The following ZNF334 variants were observed in gnomAD, a reference collection of about 807,000 sequenced individuals.
ZNF334 encodes the protein zinc finger protein 334.
Under a neutral mutation model 12.4 loss-of-function variants are expected in ZNF334, and 14 were observed. That is an observed-to-expected ratio of 1.13 (90% CI 0.74 to 1.76). ZNF334 has a LOEUF of 1.76. Among genes scored for constraint, ZNF334 ranks in the 40% most tolerant of loss-of-function variants. The pLI is 0.00. For missense variants in ZNF334, 797 were observed against 804.5 expected (o/e 0.99, Z 0.11); for synonymous variants, 273 against 269.6 (o/e 1.01, Z -0.12).
chr20:46,493,070 A>G, the ZNF334 span, among the ~76,000 whole-genome samples: 2 of 148,368 alleles, frequency 1.3e-5, no homozygotes, highest in African/African-American at 5.0e-5. Context: ...CCTGGGTGAC[A>G]GGGTGAGACT....
the ZNF334 span, among the ~76,000 whole-genome samples, chr20:46,467,360 A>G: frequency 6.6e-6 from 1 of 152,204 alleles, no homozygotes; most frequent in African/African-American, 2.4e-5. Flanking sequence ...AGGGAAAAAA[A>G]TTGAACCAAA....
At chr20:46,510,453 C>G (rs1480920746) in intron 2 of ZNF334, among the ~76,000 whole-genome samples, 1 of 152,126 alleles carries the variant, frequency 6.6e-6, no homozygotes, top group South Asian at 2.1e-4. Context: ...AGGCCGGGCG[C>G]GATGGCTCAC....
At chr20:46,474,248 C>T in the ZNF334 span, among the ~76,000 whole-genome samples, 1 of 152,086 alleles carries the variant, frequency 6.6e-6, no homozygotes, top group African/African-American at 2.4e-5. Context: ...TGGCATGTGC[C>T]TGTAATCCCA....
At position 46,501,533 on chromosome 20, in the gene ZNF334, AC is replaced by A. The variant is rs747799731; in HGVS notation, c.1805del (p.Cys602LeufsTer102). On this transcript the variant is annotated frameshift_variant, in exon 5 of 5. Coordinates refer to ENST00000692313, the MANE Select transcript of ZNF334 (RefSeq NM_001353824.2). LOFTEE classifies it low-confidence loss of function (END_TRUNC). ...RTHTGEKPYE[C>X]NECGKSFCHK... ...GGCAGAAGGATTTCCCACATTCATTACATTCATATGGTTTCTCCCCAGTGTG... is the reference window on the plus strand; with the variant it reads ...GGCAGAAGGATTTCCCACATTCATTAATTCATATGGTTTCTCCCCAGTGTG... 6.2e-7 allele frequency: 1 copy of A among 1,613,996 alleles called. No individual in the cohort carries two copies. Among genetic ancestry groups the A allele is most frequent in the African/African-American group, 1.3e-5 (1 of 74,922 alleles).
the ZNF334 span, among the ~76,000 whole-genome samples, chr20:46,479,186 G>C: frequency 6.6e-6 from 1 of 152,144 alleles, no homozygotes; most frequent in African/African-American, 2.4e-5. Flanking sequence ...GGGGGAACCT[G>C]TCTCCTTGCC....
At chr20:46,473,003 A>C in the ZNF334 span, among the ~76,000 whole-genome samples, 1 of 152,230 alleles carries the variant, frequency 6.6e-6, no homozygotes, top group African/African-American at 2.4e-5. Flanking sequence ...CAACTGATTT[A>C]ATTCTTTTGG....
chr20:46,492,188 C>T, the ZNF334 span: 1 of 152,586 alleles, frequency 6.6e-6, no homozygotes, highest in Non-Finnish European at 1.5e-5. Context: ...TCTTGCTCGC[C>T]ACCAACAAAT....
rs2061380801 is a variant in ZNF334 at position 46,504,997 on chromosome 20, T to C, written c.22-257A>G. ...ATCACATAAAATACTAATCTTACTCTTTAGGAGCATACATTCTGACAGGGT... is the reference window on the plus strand; with the variant it reads ...ATCACATAAAATACTAATCTTACTCCTTAGGAGCATACATTCTGACAGGGT... On this transcript the variant is annotated intron_variant, in intron 2 of 4. Coordinates refer to ENST00000692313, the MANE Select transcript of ZNF334 (RefSeq NM_001353824.2). 1.8e-5 allele frequency: 6 copies of C among 328,060 alleles called. No individual in the cohort carries two copies. In the South Asian group the frequency reaches 6.0e-4, roughly 33 times the overall value. 20.3% of individuals were successfully genotyped at this position (328,060 alleles called of 1,614,324 possible).
rs765034392 is a variant in ZNF334 at position 46,504,762 on chromosome 20, T to G, written c.22-22A>C. ...GTATCTGAAAGAAAATGTTTAATCT[T>G]GGGTGACCAAAATTGAGTGATATCA... On this transcript the variant is annotated intron_variant, in intron 2 of 4. Transcript: ENST00000692313. The G allele has an allele frequency of 2.5e-6, 4 of 1,582,930 alleles. No homozygotes were observed. The East Asian group carries it at 9.0e-5, about 36-fold the overall frequency.
downstream of ZNF334, among the ~76,000 whole-genome samples, chr20:46,497,889 A>G (rs1449438424): frequency 6.6e-6 from 1 of 152,240 alleles, no homozygotes; most frequent in African/African-American, 2.4e-5. Flanking sequence ...TATTTTCTTA[A>G]AAAGGCTACC....
chr20:46,508,920 TG>T (rs1437031191), intron 2 of ZNF334, among the ~76,000 whole-genome samples: 3 of 152,206 alleles, frequency 2.0e-5, no homozygotes, highest in Non-Finnish European at 4.4e-5. Flanking sequence ...AATGTAATAG[TG>T]GATACATCAA....
rs758167204 is a variant in ZNF334 at position 46,502,745 on chromosome 20, CA to C, written c.593del (p.Leu198ArgfsTer8). On this transcript the variant is annotated frameshift_variant, in exon 5 of 5. Coordinates refer to ENST00000692313, the MANE Select transcript of ZNF334 (RefSeq NM_001353824.2). LOFTEE classifies it low-confidence loss of function (END_TRUNC). Reference protein sequence around the residue: ...KASNQNENLILHQNIQILKQP... With the variant: ...KASNQNENLIXHQNIQILKQP... ...GTTTCAAAATCTGAATGTTCTGGTG[CA>C]GAATAAGATTTTCGTTTTGATTGCT... The C allele has an allele frequency of 6.2e-7, 1 of 1,613,822 alleles. No homozygotes were observed.
At chr20:46,504,151 C>G in intron 4 of ZNF334, 63 bp downstream of exon 4, 1 of 1,175,664 alleles carries the variant, frequency 8.5e-7, no homozygotes, top group East Asian at 2.4e-5. Flanking sequence ...CCAACTATTA[C>G]CACCGACCAC....
At chr20:46,494,693 T>C (rs1386142904), downstream of ZNF334, among the ~76,000 whole-genome samples, 1 of 152,138 alleles carries the variant, frequency 6.6e-6, no homozygotes, top group Non-Finnish European at 1.5e-5. Context: ...ACAGGAGCCA[T>C]TTCATATGTT....
chr20:46,495,020 A>G (rs1245022492), downstream of ZNF334, among the ~76,000 whole-genome samples: 1 of 152,208 alleles, frequency 6.6e-6, no homozygotes, highest in Non-Finnish European at 1.5e-5. Context: ...GTTTCAGCAG[A>G]AAGTTTTATA....
At chr20:46,499,306 C>G (rs1359441188), downstream of ZNF334, among the ~76,000 whole-genome samples, 1 of 152,008 alleles carries the variant, frequency 6.6e-6, no homozygotes, top group African/African-American at 2.4e-5. Flanking sequence ...TGCCAACACC[C>G]CAACCTGACT....
In ZNF334 at chr20:46,502,764, T is replaced by C; in HGVS notation, c.575A>G (p.Gln192Arg). ...CTGGTGCAGAATAAGATTTTCGTTT[T>C]GATTGCTGGCTTTCCTCATTGGATT... is the stretch of plus-strand genomic sequence containing the variant. ...RYNPMRKASN[Q>R]NENLILHQNI... is the part of the protein sequence containing the mutation. Residue 192 changes from glutamine to arginine, a missense_variant, in exon 5 of 5, where the codon CAA (glutamine) becomes CGA (arginine). Gln to Arg is a conservative substitution (Grantham distance 43). Coordinates refer to ENST00000692313, the MANE Select transcript of ZNF334 (RefSeq NM_001353824.2). The C allele has an allele frequency of 1.2e-6, 2 of 1,613,944 alleles. No individual in the cohort carries two copies. The highest frequency in any genetic ancestry group is 1.7e-6 in the Non-Finnish European group (2 of 1,180,008).
chr20:46,475,227 A>G, the ZNF334 span, among the ~76,000 whole-genome samples: 1 of 152,246 alleles, frequency 6.6e-6, no homozygotes, highest in East Asian at 1.9e-4. Context: ...TAACCTTTTC[A>G]GCAAATGGTG....
At chr20:46,494,430 A>C in the ZNF334 span, among the ~76,000 whole-genome samples, 1 of 152,218 alleles carries the variant, frequency 6.6e-6, no homozygotes, top group African/African-American at 2.4e-5. Context: ...TTGAGGCATC[A>C]GTACGTTTAT....
Sources: allele counts gnomAD v4.1 joint callset (sites outside exome capture counted in the v4.1 genomes callset), GRCh38; gene constraint gnomAD v4.1.1; transcripts MANE v1.5; gene names NCBI Gene and HGNC (gene_info 2026-07-23, HGNC 2026-07-21).